FAM135A: variants seen among roughly 807,000 people sequenced by gnomAD.
The protein encoded by FAM135A is family with sequence similarity 135 member A, also known as protein FAM135A.
FAM135A carries 79 observed loss-of-function variants against 146.8 expected under a neutral mutation model. The observed-to-expected ratio is 0.54, with a 90% CI of 0.45 to 0.65. FAM135A has a LOEUF of 0.65. Ranked by LOEUF, FAM135A falls within the 30% of genes least tolerant of loss-of-function variation. The probability of loss-of-function intolerance (pLI) is 0.00; values close to 1 mark genes in which losing one functional copy is unlikely to be tolerated. For missense variants in FAM135A, 1,623 were observed against 1,758.2 expected (o/e 0.92, Z 1.38); for synonymous variants, 562 against 603.6 (o/e 0.93, Z 1.01).
intron 4 of FAM135A, among the ~76,000 whole-genome samples, chr6:70,428,928 A>T (rs1770820586): frequency 6.6e-6 from 1 of 152,206 alleles, no homozygotes; most frequent in South Asian, 2.1e-4. Flanking sequence ...TCACGAAAAC[A>T]CTAAAACAAT....
rs146145391 is a variant in FAM135A at position 70,555,331 on chromosome 6, C to T, written c.4229-1419C>T. ...CCTGGGCTGGAGTGCAGTGCTACAG[C>T]CATGGCTCACTGCAGCCTGCACCTC... On this transcript the variant is annotated intron_variant, in intron 20 of 21. Coordinates refer to ENST00000418814, the MANE Select transcript of FAM135A (RefSeq NM_001162529.3). Among the ~76,000 whole-genome samples, 857 of 152,166 alleles carry T rather than the reference C, an allele frequency of 5.6e-3. 3 individuals are homozygous for T. Among genetic ancestry groups the T allele is most frequent in the Non-Finnish European group, 8.2e-3 (558 of 67,986 alleles).
At chr6:70,507,260 G>A (rs1352947680) in intron 12 of FAM135A, among the ~76,000 whole-genome samples, 2 of 152,116 alleles carry the variant, frequency 1.3e-5, no homozygotes, top group East Asian at 1.9e-4. Context: ...CTGTGGACAT[G>A]GTAGCATACT....
chr6:70,476,042 C>G (rs556498785), intron 7 of FAM135A, among the ~76,000 whole-genome samples: 1 of 152,300 alleles, frequency 6.6e-6, no homozygotes, highest in South Asian at 2.1e-4. Flanking sequence ...CTCTTTTCCA[C>G]TGTATCACTG....
chr6:70,443,680 A>C (rs1027909642), intron 4 of FAM135A, among the ~76,000 whole-genome samples: 1 of 152,240 alleles, frequency 6.6e-6, no homozygotes, highest in East Asian at 1.9e-4. Flanking sequence ...ATTATAAGTG[A>C]AAGTGAACTC....
intron 19 of FAM135A, among the ~76,000 whole-genome samples, chr6:70,537,795 A>G (rs773318294): frequency 2.6e-5 from 4 of 152,222 alleles, no homozygotes; most frequent in Admixed American, 6.5e-5. Flanking sequence ...AATAATTAAT[A>G]TAAAACAAAT....
intron 11 of FAM135A, among the ~76,000 whole-genome samples, chr6:70,497,749 G>T (rs1787618629): frequency 1.3e-5 from 2 of 151,568 alleles, no homozygotes; most frequent in African/African-American, 4.8e-5. Flanking sequence ...CATCTATTGA[G>T]ATAATCATGT....
At chr6:70,479,968 G>T (rs1257649667) in intron 8 of FAM135A, among the ~76,000 whole-genome samples, 2 of 152,096 alleles carry the variant, frequency 1.3e-5, no homozygotes, top group East Asian at 3.9e-4. Context: ...CTTCTTTGCT[G>T]GGATATAGAC....
chr6:70,477,034 A>G (rs1208218482), intron 7 of FAM135A, 125 bp from the exon 8 acceptor site: 4 of 1,002,248 alleles, frequency 4.0e-6, no homozygotes, highest in Non-Finnish European at 5.6e-6. Flanking sequence ...TGCTTTAAAA[A>G]TTACTCTTAT....
In FAM135A at chr6:70,482,039, T is replaced by C. The variant is rs1205654353; in HGVS notation, c.708T>C (p.His236=). 3 of 1,613,756 alleles carry C rather than the reference T, an allele frequency of 1.9e-6. No homozygotes were observed. Among genetic ancestry groups the C allele is most frequent in the South Asian group, 2.2e-5 (2 of 91,064 alleles). The change falls in exon 10 of 22, where the codon CAT becomes CAC. Residue 236 remains histidine (H), a synonymous_variant. Coordinates refer to ENST00000418814, the MANE Select transcript of FAM135A (RefSeq NM_001162529.3). ...TCATTGCAGACTCCTTCCTACATCA[T>C]GCGTATCGTTTTCATTATACACTTT... ...SFIIADSFLH[H]AYRFHYTLCA...
chr6:70,524,926 T>G lies in FAM135A; in HGVS notation c.1842T>G (p.Ile614Met), dbSNP rs1165057060. The G allele has an allele frequency of 6.2e-7, 1 of 1,611,852 alleles. No homozygotes were observed. Among genetic ancestry groups the G allele is most frequent in the Non-Finnish European group, 8.5e-7 (1 of 1,179,272 alleles). Reference sequence around the variant, plus strand: ...TAAATCTTTGTGCAAATTTGTCCATTTCAGGTAAACTTGATATCTCCCAGG... The same window carrying G: ...TAAATCTTTGTGCAAATTTGTCCATGTCAGGTAAACTTGATATCTCCCAGG... The part of the protein sequence containing the change: ...GNLNLCANLS[I>M]SGKLDISQDD... The change falls in exon 15 of 22, where the codon ATT becomes ATG. Residue 614 changes from isoleucine (I) to methionine (M), a missense_variant. Around this residue, in one of 7 missense-constraint regions of FAM135A, gnomAD observed 1,061 missense variants for 1,113.8 expected, o/e 0.95. Coordinates refer to ENST00000418814, the MANE Select transcript of FAM135A (RefSeq NM_001162529.3).
intron 8 of FAM135A, 105 bp from the exon 9 acceptor site, chr6:70,480,796 C>A: frequency 9.0e-7 from 1 of 1,109,986 alleles, no homozygotes; most frequent in Non-Finnish European, 1.2e-6. Context: ...TATAAACTTG[C>A]AAAACCCTTG....
At chr6:70,488,076 C>G (rs1562507205) in intron 10 of FAM135A, among the ~76,000 whole-genome samples, 2 of 152,096 alleles carry the variant, frequency 1.3e-5, no homozygotes, top group Non-Finnish European at 2.9e-5. Flanking sequence ...ATCCCCACTT[C>G]TGTTCACCTG....
chr6:70,490,753 TTC>T (rs912592728), intron 10 of FAM135A, among the ~76,000 whole-genome samples: 4 of 152,064 alleles, frequency 2.6e-5, no homozygotes, highest in Non-Finnish European at 5.9e-5. Context: ...AGTTGGTCTT[TTC>T]TGTGACACAG....
rs773902892 is a variant in FAM135A at position 70,525,086 on chromosome 6, A to G, written c.2002A>G (p.Ser668Gly). The change falls in exon 15 of 22, where the codon AGT becomes GGT. Residue 668 changes from serine (S) to glycine (G), a missense_variant. This residue lies in a region of FAM135A where 1,061 missense variants were observed against 1,113.8 expected (regional missense o/e 0.95). Coordinates refer to ENST00000418814, the MANE Select transcript of FAM135A (RefSeq NM_001162529.3). The stretch of plus-strand genomic sequence containing the variant: ...AAAGCCCAGTAATAAAGATCCTTTC[A>G]GTGGAGAGAATATAACTGTCAAACT... ...EIKPSNKDPF[S>G]GENITVKLGP... is the part of the protein sequence containing the mutation. The G allele has an allele frequency of 5.1e-6, 8 of 1,573,030 alleles. No homozygotes were observed. The East Asian group carries it at 1.8e-4, about 35-fold the overall frequency.
intron 18 of FAM135A, among the ~76,000 whole-genome samples, chr6:70,534,790 G>A (rs1016906813): frequency 3.3e-5 from 5 of 152,188 alleles, no homozygotes; most frequent in Non-Finnish European, 7.3e-5. Flanking sequence ...CTAGGTTAGA[G>A]GAAGAAGCTG....
chr6:70,485,859 A>G (rs1445857847), intron 10 of FAM135A, among the ~76,000 whole-genome samples: 1 of 151,290 alleles, frequency 6.6e-6, no homozygotes, highest in Non-Finnish European at 1.5e-5. Flanking sequence ...CACATAGCCT[A>G]TATGAACCCC....
chr6:70,556,976 C>T (rs1309473472), intron 21 of FAM135A, 113 bp downstream of exon 21: 22 of 741,570 alleles, frequency 3.0e-5, no homozygotes, highest in Non-Finnish European at 4.6e-5. Context: ...CTGTTACTTC[C>T]TTTCCACCCA....
intron 17 of FAM135A, 132 bp from the exon 18 acceptor site, chr6:70,533,625 C>T (rs1796238183): frequency 1.6e-6 from 1 of 614,906 alleles, no homozygotes; most frequent in Non-Finnish European, 2.7e-6. Context: ...AAATTACACT[C>T]ACTAACTTCT....
At chr6:70,497,516 A>G (rs182890545) in intron 11 of FAM135A, among the ~76,000 whole-genome samples, 1 of 152,338 alleles carries the variant, frequency 6.6e-6, no homozygotes, top group Non-Finnish European at 1.5e-5. Flanking sequence ...TGCCCTGGCC[A>G]GTACTTCCAA....
Sources: allele counts gnomAD v4.1 joint callset (sites outside exome capture counted in the v4.1 genomes callset), GRCh38; gene constraint gnomAD v4.1.1; regional missense constraint gnomAD v4.1.1; transcripts MANE v1.5; gene names NCBI Gene and HGNC (gene_info 2026-07-23, HGNC 2026-07-21).